IGHMBP2: variants seen among roughly 807,000 people sequenced by gnomAD.
The protein encoded by IGHMBP2 is immunoglobulin mu DNA binding protein 2, also known as DNA-binding protein SMUBP-2.
In IGHMBP2, 81 loss-of-function variants were observed where a neutral mutation model predicts 96.0. The observed-to-expected ratio is 0.84, with a 90% CI of 0.71 to 1.01. The LOEUF (loss-of-function observed/expected upper bound fraction) is 1.01, where lower values mean the gene tolerates loss of function less well. Among genes scored for constraint, IGHMBP2 ranks in the 50% least tolerant of loss-of-function variants. The probability of loss-of-function intolerance (pLI) is 0.00; values close to 1 mark genes in which losing one functional copy is unlikely to be tolerated. For missense variants in IGHMBP2, 1,227 were observed against 1,306.3 expected (o/e 0.94, Z 0.94); for synonymous variants, 557 against 548.9 (o/e 1.01, Z -0.21).
At chr11:68,939,048 A>T (rs148028965) in intron 14 of IGHMBP2, among the ~76,000 whole-genome samples, 2 of 152,090 alleles carry the variant, frequency 1.3e-5, no homozygotes, top group Admixed American at 1.3e-4. Flanking sequence ...CAGGCAGGCT[A>T]TCCACCCTTA....
In IGHMBP2 at chr11:68,940,075, A is replaced by C; in HGVS notation, c.*344A>C. ...TACCCAGGGCCTCAAACTTGAAGTC[A>C]CTCCTCCAATGTCTGGGACTTGCCA... On this transcript the variant is annotated 3_prime_UTR_variant, in exon 15 of 15. Transcript: ENST00000255078. 3.3e-6 allele frequency: 1 copy of C among 306,660 alleles called. No homozygotes were observed. Among genetic ancestry groups the C allele is most frequent in the Non-Finnish European group, 6.1e-6 (1 of 163,418 alleles). 19.0% of individuals were successfully genotyped at this position (306,660 alleles called of 1,614,324 possible).
intron 7 of IGHMBP2, among the ~76,000 whole-genome samples, chr11:68,922,229 ACT>A (rs1491037296): frequency 1.3e-5 from 2 of 151,350 alleles, no homozygotes; most frequent in Admixed American, 6.6e-5. Flanking sequence ...GAGGCAGGAG[ACT>A]CGCTTGAACC....
intron 7 of IGHMBP2, among the ~76,000 whole-genome samples, chr11:68,922,403 TG>T (rs1858912524): frequency 6.6e-6 from 1 of 152,060 alleles, no homozygotes; most frequent in Non-Finnish European, 1.5e-5. Flanking sequence ...ATTTGCTTCA[TG>T]TTTTTTTTTG....
intron 8 of IGHMBP2, chr11:68,932,961 G>T (rs766139215): frequency 3.0e-5 from 12 of 394,458 alleles, no homozygotes; most frequent in Non-Finnish European, 4.8e-5. Flanking sequence ...TCTCCCCTCG[G>T]TGACCTTCTC....
At chr11:68,910,385 C>T (rs956579250) in intron 4 of IGHMBP2, among the ~76,000 whole-genome samples, 8 of 152,194 alleles carry the variant, frequency 5.3e-5, no homozygotes, top group Admixed American at 2.6e-4. Context: ...AGCACGGGAA[C>T]GTGGGGTTCA....
At chr11:68,916,576 T>C (rs1309098109) in intron 6 of IGHMBP2, among the ~76,000 whole-genome samples, 1 of 151,748 alleles carries the variant, frequency 6.6e-6, no homozygotes, top group Non-Finnish European at 1.5e-5. Flanking sequence ...CTCTAATGTC[T>C]GTGCTCACAT....
At chr11:68,909,912 G>T (rs576460929) in intron 4 of IGHMBP2, among the ~76,000 whole-genome samples, 1 of 152,200 alleles carries the variant, frequency 6.6e-6, no homozygotes, top group Non-Finnish European at 1.5e-5. Flanking sequence ...GATTACAGGC[G>T]TGAGCCACCG....
chr11:68,918,213 C>T (rs1183029105), intron 7 of IGHMBP2, among the ~76,000 whole-genome samples: 1 of 151,896 alleles, frequency 6.6e-6, no homozygotes, highest in Non-Finnish European at 1.5e-5. Context: ...CTTTTACTGT[C>T]TGCAGGATCT....
chr11:68,917,760 AAG>A lies in IGHMBP2; in HGVS notation c.945_946del (p.Ser317Ter). The A allele has an allele frequency of 6.2e-7, 1 of 1,612,838 alleles. No individual in the cohort carries two copies. The highest frequency in any genetic ancestry group is 1.1e-5 in the South Asian group (1 of 91,044). On this transcript the variant is annotated frameshift_variant, in exon 7 of 15. Transcript: ENST00000255078. LOFTEE classifies it high-confidence loss of function. ...VFVKNKKTQD[K>X]REKSNFRNEI... Reference sequence around the variant, plus strand: ...GGTGAAAAACAAAAAGACCCAGGATAAGAGAGAGAAAAGTAATTTTCGAAATG... The same window carrying A: ...GGTGAAAAACAAAAAGACCCAGGATAAGAGAGAAAAGTAATTTTCGAAATG...
At chr11:68,913,781 A>G (rs980166477) in intron 5 of IGHMBP2, among the ~76,000 whole-genome samples, 1 of 152,096 alleles carries the variant, frequency 6.6e-6, no homozygotes, top group East Asian at 1.9e-4. Flanking sequence ...TTAGCTGGGC[A>G]TGGTGATGCA....
chr11:68,908,382 C>A, intron 3 of IGHMBP2, 45 bp downstream of exon 3: 1 of 1,565,636 alleles, frequency 6.4e-7, no homozygotes, highest in Non-Finnish European at 8.8e-7. Context: ...CTTCCTTCAA[C>A]ACAGCTAATC....
chr11:68,913,043 C>CAAAAAAAAA (rs71043469), intron 5 of IGHMBP2, among the ~76,000 whole-genome samples: 597 of 37,384 alleles, frequency 0.016, 22 homozygotes, highest in Middle Eastern at 0.024. Flanking sequence ...ACTCCATCTC[C>CAAAAAAAAA]AAAAAAAAAA....
At chr11:68,937,192 C>T (rs1859580472) in intron 13 of IGHMBP2, 101 bp downstream of exon 13, 16 of 1,419,406 alleles carry the variant, frequency 1.1e-5, no homozygotes, top group Admixed American at 1.7e-5. Flanking sequence ...GGGCTTCCTC[C>T]TGGTGGCACC....
intron 7 of IGHMBP2, among the ~76,000 whole-genome samples, chr11:68,919,826 C>G (rs1210652754): frequency 6.6e-6 from 1 of 152,080 alleles, no homozygotes; most frequent in Non-Finnish European, 1.5e-5. Flanking sequence ...CTTCTTTATC[C>G]CTGATAATAT....
In IGHMBP2 at chr11:68,908,646, G is replaced by A. The variant is rs776573019; in HGVS notation, c.547+15G>A. On this transcript the variant is annotated intron_variant, in intron 4 of 14. Coordinates refer to ENST00000255078, the MANE Select transcript of IGHMBP2 (RefSeq NM_002180.3). ...CAGTGAAATACGTAAGAACTTCTGA[G>A]TTTTCTTTTTTGGTTGAAATCACTA... 4.4e-6 allele frequency: 7 copies of A among 1,583,098 alleles called. No homozygotes were observed. Among genetic ancestry groups the A allele is most frequent in the Non-Finnish European group, 6.1e-6 (7 of 1,152,268 alleles).
intron 8 of IGHMBP2, chr11:68,930,068 G>C (rs774239038): frequency 2.1e-4 from 240 of 1,164,782 alleles, no homozygotes; most frequent in Non-Finnish European, 2.5e-4. Context: ...CTCCTGCCTG[G>C]GTGTGGCGGG....
chr11:68,905,401 C>T (rs1858150229), intron 1 of IGHMBP2, among the ~76,000 whole-genome samples: 1 of 152,220 alleles, frequency 6.6e-6, no homozygotes, highest in South Asian at 2.1e-4. Flanking sequence ...ATGATTCCCA[C>T]CTCACAGGCT....
At position 68,938,356 on chromosome 11, in the gene IGHMBP2, T is replaced by C; in HGVS notation, c.2784+2T>C. 1 of 1,606,382 alleles carries C rather than the reference T, an allele frequency of 6.2e-7. No homozygotes were observed. The highest frequency in any genetic ancestry group is 1.1e-5 in the South Asian group (1 of 90,166). On this transcript the variant is annotated splice_donor_variant, in intron 14 of 14. Transcript: ENST00000255078. LOFTEE classifies it high-confidence loss of function. The stretch of plus-strand genomic sequence containing the variant: ...TGCCTCAGCCACCACCTGCCCGAGG[T>C]ATGTCGGCCTCCCCTCCTGCGATCA...
At chr11:68,937,912 C>G (rs1010800165) in intron 13 of IGHMBP2, 5 of 497,260 alleles carry the variant, frequency 1.0e-5, no homozygotes, top group African/African-American at 3.9e-5. Flanking sequence ...CACCCCTGCC[C>G]CCAGGCACTG....
Sources: allele counts gnomAD v4.1 joint callset (sites outside exome capture counted in the v4.1 genomes callset), GRCh38; gene constraint gnomAD v4.1.1; transcripts MANE v1.5; gene names NCBI Gene and HGNC (gene_info 2026-07-23, HGNC 2026-07-21).